The following CLASP2 variants were observed in gnomAD, a reference collection of about 807,000 sequenced individuals.
The protein encoded by CLASP2 is CLIP-associating protein 2.
CLASP2 carries 47 observed loss-of-function variants against 194.4 expected under a neutral mutation model. The ratio of observed to expected loss-of-function variants is 0.24; its 90% CI spans 0.19 to 0.31. The LOEUF (loss-of-function observed/expected upper bound fraction) is 0.31. Ranked by LOEUF, CLASP2 falls within the 10% of genes least tolerant of loss-of-function variation. The pLI is 1.00. For synonymous variants in CLASP2, 619 were observed against 633.5 expected (o/e 0.98, Z 0.34); for missense variants, 1,445 against 1,823.6 (o/e 0.79, Z 3.78).
chr3:33,711,794 T>G (rs551967423), intron 1 of CLASP2, among the ~76,000 whole-genome samples: 42 of 152,086 alleles, frequency 2.8e-4, no homozygotes, highest in Admixed American at 6.5e-4. Context: ...TCACTAATCA[T>G]CAGGGAAATG....
At chr3:33,614,493 A>G (rs2154269156) in intron 12 of CLASP2, among the ~76,000 whole-genome samples, 1 of 152,306 alleles carries the variant, frequency 6.6e-6, no homozygotes, top group East Asian at 1.9e-4. Context: ...TCCACTGTAT[A>G]AGAATAGTAT....
intron 7 of CLASP2, among the ~76,000 whole-genome samples, chr3:33,646,052 C>T (rs372166517): frequency 4.6e-5 from 7 of 151,508 alleles, no homozygotes; most frequent in African/African-American, 1.7e-4. Flanking sequence ...ACAACATGGG[C>T]GAGGCAGAGA....
chr3:33,594,753 C>T (rs1218928761), intron 20 of CLASP2, among the ~76,000 whole-genome samples, 198 bp downstream of exon 20: 3 of 146,742 alleles, frequency 2.0e-5, no homozygotes, highest in African/African-American at 7.6e-5. Flanking sequence ...CAAAGCAAAC[C>T]AGCAGGATGA....
chr3:33,645,340 T>A (rs759047592), intron 7 of CLASP2: 20 of 765,166 alleles, frequency 2.6e-5, no homozygotes, highest in South Asian at 2.3e-4. Context: ...TTAATTTCCC[T>A]CACCCTAGGA....
At chr3:33,710,995 C>G (rs956928722) in intron 1 of CLASP2, among the ~76,000 whole-genome samples, 1 of 152,140 alleles carries the variant, frequency 6.6e-6, no homozygotes, top group African/African-American at 2.4e-5. Flanking sequence ...CATGCCTCAG[C>G]TGACAATGAT....
At chr3:33,586,887 AAGCAGGGAGT>A (rs1297876952) in intron 21 of CLASP2, among the ~76,000 whole-genome samples, 4 of 152,042 alleles carry the variant, frequency 2.6e-5, no homozygotes, top group Non-Finnish European at 4.4e-5. Flanking sequence ...GCACTGTGTA[AAGCAGGGAGT>A]AGTAAGATGA....
At chr3:33,515,989 A>C (rs762547772) in intron 36 of CLASP2, 34 bp downstream of exon 36, 1 of 1,568,114 alleles carries the variant, frequency 6.4e-7, no homozygotes, top group Non-Finnish European at 8.6e-7. Context: ...GAAATAAAAT[A>C]ATGGAATAAT....
chr3:33,536,620 C>G (rs916056706), intron 33 of CLASP2, among the ~76,000 whole-genome samples: 7 of 152,134 alleles, frequency 4.6e-5, no homozygotes, highest in African/African-American at 1.7e-4. Context: ...TTGGTTTTTA[C>G]TCTGAGACAG....
intron 1 of CLASP2, among the ~76,000 whole-genome samples, chr3:33,711,828 C>A (rs531031541): frequency 1.3e-5 from 2 of 152,216 alleles, no homozygotes; most frequent in South Asian, 4.2e-4. Context: ...CAATGAGATA[C>A]CACCTTACCC....
At chr3:33,664,542 C>T (rs540231421) in intron 6 of CLASP2, among the ~76,000 whole-genome samples, 2 of 152,242 alleles carry the variant, frequency 1.3e-5, no homozygotes, top group South Asian at 4.1e-4. Flanking sequence ...TGGCTTATTT[C>T]AGTAAGAACT....
chr3:33,563,856 T>C, intron 27 of CLASP2: 2 of 455,716 alleles, frequency 4.4e-6, no homozygotes, highest in South Asian at 1.6e-5. Context: ...TCCAAACTGA[T>C]CTTGGGCTAT....
chr3:33,596,132 A>G (rs1208291778), intron 19 of CLASP2, among the ~76,000 whole-genome samples: 1 of 151,966 alleles, frequency 6.6e-6, no homozygotes, highest in African/African-American at 2.4e-5. Flanking sequence ...TCAGACAAAA[A>G]ATATCATACA....
At chr3:33,631,910 T>G (rs1291462367) in intron 9 of CLASP2, among the ~76,000 whole-genome samples, 2 of 152,142 alleles carry the variant, frequency 1.3e-5, no homozygotes, top group Non-Finnish European at 2.9e-5. Flanking sequence ...AATATAACAT[T>G]TATGTGTATT....
intron 21 of CLASP2, 79 bp downstream of exon 21, chr3:33,592,316 G>A (rs2068985676): frequency 1.5e-5 from 15 of 989,254 alleles, no homozygotes; most frequent in South Asian, 6.8e-5. Flanking sequence ...CTGGTCAATC[G>A]TCTAATACAG....
At chr3:33,532,975 A>C (rs1559894199) in intron 34 of CLASP2, among the ~76,000 whole-genome samples, 1 of 152,216 alleles carries the variant, frequency 6.6e-6, no homozygotes, top group Admixed American at 6.5e-5. Context: ...CAAATGTTTC[A>C]TGAAGAAAAA....
chr3:33,657,809 T>C (rs1025118767), intron 7 of CLASP2, among the ~76,000 whole-genome samples: 1 of 152,172 alleles, frequency 6.6e-6, no homozygotes, highest in Non-Finnish European at 1.5e-5. Context: ...TACATAATAG[T>C]TCAAATGACT....
At chr3:33,666,822 T>C (rs916332510) in intron 6 of CLASP2, among the ~76,000 whole-genome samples, 5 of 152,240 alleles carry the variant, frequency 3.3e-5, no homozygotes, top group African/African-American at 4.8e-5. Flanking sequence ...ACATTCCCAA[T>C]GGCAATGTAT....
At chr3:33,558,362 A>T (rs1039501439) in intron 29 of CLASP2, 6 of 152,228 alleles carry the variant, frequency 3.9e-5, no homozygotes, top group Admixed American at 2.6e-4. Flanking sequence ...GCACAATTGC[A>T]TTCAGAAACT....
intron 34 of CLASP2, among the ~76,000 whole-genome samples, chr3:33,532,472 G>T (rs929029295): frequency 2.0e-5 from 3 of 152,078 alleles, no homozygotes; most frequent in African/African-American, 4.8e-5. Flanking sequence ...GCAACAGTAT[G>T]AATATATTTA....
Sources: gnomAD v4.1 joint callset for allele counts (sites outside exome capture counted in the v4.1 genomes callset) on GRCh38, gnomAD v4.1.1 for gene constraint, MANE v1.5 for transcripts, NCBI Gene and HGNC (gene_info 2026-07-23, HGNC 2026-07-21) for gene names.